Variants in LDB1 observed in about 807,000 individuals in gnomAD.
The protein encoded by LDB1 is LIM domain-binding protein 1.
Under a neutral mutation model 49.7 loss-of-function variants are expected in LDB1, and 6 were observed. The observed-to-expected ratio is 0.12, with a 90% CI of 0.07 to 0.24. LDB1 has a LOEUF of 0.24. Among genes scored for constraint, LDB1 ranks in the 10% least tolerant of loss-of-function variants. The probability of loss-of-function intolerance (pLI) is 1.00; values close to 1 mark genes in which losing one functional copy is unlikely to be tolerated. For synonymous variants in LDB1, 233 were observed against 202.0 expected (o/e 1.15, Z -1.30); for missense variants, 341 against 561.7 (o/e 0.61, Z 3.97).
At chr10:102,110,798 G>T in intron 5 of LDB1, 71 bp downstream of exon 5, 1 of 1,580,342 alleles carries the variant, frequency 6.3e-7, no homozygotes, top group South Asian at 1.1e-5. Flanking sequence ...GGCACTCCCA[G>T]ACCCACTTCT....
chr10:102,114,786 C>T (rs1414994929), intron 1 of LDB1: 2 of 968,848 alleles, frequency 2.1e-6, no homozygotes, highest in Non-Finnish European at 2.5e-6. Context: ...CCCGCCGCCG[C>T]CTCTTGCTGC....
chr10:102,113,495 C>A (rs1031356506), intron 1 of LDB1, among the ~76,000 whole-genome samples: 1 of 152,170 alleles, frequency 6.6e-6, no homozygotes, highest in African/African-American at 2.4e-5. Flanking sequence ...CAGTCCCCAC[C>A]CAGCCACCAA....
At chr10:102,118,621 A>G (rs1030009154) in intron 1 of LDB1, among the ~76,000 whole-genome samples, 2 of 152,214 alleles carry the variant, frequency 1.3e-5, no homozygotes, top group African/African-American at 4.8e-5. Context: ...GGAACTAAGA[A>G]TCACAATTTA....
chr10:102,103,760 G>C (rs2068135281), downstream of LDB1, among the ~76,000 whole-genome samples: 1 of 152,024 alleles, frequency 6.6e-6, no homozygotes. Context: ...GTTGCAGTGA[G>C]CCGAGATCAT....
At chr10:102,114,655 A>G (rs1249314821) in intron 1 of LDB1, 12 of 843,078 alleles carry the variant, frequency 1.4e-5, no homozygotes, top group Non-Finnish European at 1.7e-5. Context: ...GCCGGGGGCC[A>G]GGGGGCCGGC....
chr10:102,113,682 C>T (rs1481063564), intron 1 of LDB1, among the ~76,000 whole-genome samples: 1 of 151,868 alleles, frequency 6.6e-6, no homozygotes, highest in Non-Finnish European at 1.5e-5. Context: ...TCCTCAGTTT[C>T]CGGGCCACTT....
Position 102,109,187 on chromosome 10 carries a change from T to C in LDB1, c.857-10A>G. ...TGACGTGTGGGCTCCGCTGTGCCGG[T>C]AAACGGAGACTCAGATGGGAGAGGG... On this transcript the variant is annotated splice_polypyrimidine_tract_variant and intron_variant, in intron 9 of 10. Transcript: ENST00000673968. This position sits in a 1 kb window ranked among gnomAD's most constrained non-coding sequence, Gnocchi z 5.8. The C allele has an allele frequency of 1.2e-6, 2 of 1,613,148 alleles. No individual in the cohort carries two copies. Among genetic ancestry groups the C allele is most frequent in the Non-Finnish European group, 8.5e-7 (1 of 1,179,862 alleles).
Position 102,110,608 on chromosome 10 carries a change from G to A in LDB1, c.446C>T (p.Ala149Val), listed in dbSNP as rs2068237595. The A allele has an allele frequency of 1.2e-6, 2 of 1,613,926 alleles. No homozygotes were observed. The highest frequency in any genetic ancestry group is 1.3e-5 in the African/African-American group (1 of 74,906). The change falls in exon 6 of 11, where the codon GCA (alanine) becomes GTA (valine). Residue 149 changes from alanine to valine, a missense_variant. By Grantham distance (64) the Ala-to-Val change is moderately conservative (BLOSUM62 0). This residue lies in a region of LDB1 where 233 missense variants were observed against 385.7 expected (regional missense o/e 0.60). Transcript: ENST00000673968. ...LYYVLKHPKE[A>V]FHSNFVSLDC... is the part of the protein sequence containing the mutation. ...GAGGGACACAAAGTTGCTGTGGAATGCCTCCTTGGGGTGCTTAAGAACATA... is the reference window on the plus strand; with the variant it reads ...GAGGGACACAAAGTTGCTGTGGAATACCTCCTTGGGGTGCTTAAGAACATA...
downstream of LDB1, among the ~76,000 whole-genome samples, chr10:102,102,979 C>G (rs913902716): frequency 1.3e-5 from 2 of 152,076 alleles, no homozygotes; most frequent in African/African-American, 4.8e-5. Flanking sequence ...CCACTATGCC[C>G]AGCTTAAACC....
intron 2 of LDB1, 28 bp from the exon 3 acceptor site, chr10:102,111,328 G>A (rs765952355): frequency 7.6e-5 from 122 of 1,612,118 alleles, no homozygotes; most frequent in Non-Finnish European, 9.6e-5. Flanking sequence ...CTATGAGAAT[G>A]GGGGTTGAAG....
chr10:102,119,483 T>A (rs894644365), intron 1 of LDB1, among the ~76,000 whole-genome samples: 29 of 151,958 alleles, frequency 1.9e-4, no homozygotes, highest in Non-Finnish European at 3.8e-4. Context: ...GCCCTCCCAC[T>A]AGGGCGGAGA....
intron 1 of LDB1, among the ~76,000 whole-genome samples, chr10:102,119,091 G>C (rs901468025): frequency 1.3e-5 from 2 of 152,198 alleles, no homozygotes; most frequent in Admixed American, 1.3e-4. Context: ...TGGGTGTCCA[G>C]CTGTGAAGTA....
Position 102,117,099 on chromosome 10 carries a change from G to A in LDB1, c.25+2987C>T, listed in dbSNP as rs748010460. Among the ~76,000 whole-genome samples the A allele has an allele frequency of 6.6e-6, 1 of 152,072 alleles. No individual in the cohort carries two copies. The highest frequency in any genetic ancestry group is 1.5e-5 in the Non-Finnish European group (1 of 68,000). On this transcript the variant is annotated intron_variant, in intron 1 of 10. Coordinates refer to ENST00000673968, the MANE Select transcript of LDB1 (RefSeq NM_001113407.3). This position sits in a 1 kb window ranked among gnomAD's most constrained non-coding sequence, Gnocchi z 4.2. The stretch of plus-strand genomic sequence containing the variant: ...CATTCCTACTCCCTTCCCCCTCCAG[G>A]CCTCAAATCACTGTCCTCATGGGGA...
upstream of LDB1, chr10:102,120,436 C>G (rs2068403641): frequency 2.1e-6 from 2 of 974,934 alleles, no homozygotes; most frequent in Non-Finnish European, 1.2e-6. Flanking sequence ...TCGCCGAGCG[C>G]CCCCCTCTCC....
In LDB1 at chr10:102,110,652, C is replaced by T; in HGVS notation, c.402G>A (p.Gly134=). The change falls in exon 6 of 11, where the codon GGG becomes GGA. Residue 134 remains glycine (G), a synonymous_variant. Coordinates refer to ENST00000673968, the MANE Select transcript of LDB1 (RefSeq NM_001113407.3). ...IPRYFRSIFE[G]GATELYYVLK... ...GAACATAGTACAGCTCCGTAGCACC[C>T]CCCTCAAAGATGCTGCGGAAGTAGC... The T allele has an allele frequency of 6.2e-7, 1 of 1,613,920 alleles. No homozygotes were observed. Among genetic ancestry groups the T allele is most frequent in the Non-Finnish European group, 8.5e-7 (1 of 1,179,896 alleles).
At chr10:102,118,747 C>T (rs2068364310) in intron 1 of LDB1, among the ~76,000 whole-genome samples, 1 of 152,084 alleles carries the variant, frequency 6.6e-6, no homozygotes, top group Admixed American at 6.6e-5. Flanking sequence ...AAAGGGGTAC[C>T]CAGCATGGGT....
chr10:102,107,995 A>G lies in LDB1; in HGVS notation c.*98T>C. ...TGAAGCGGGTGGATGGAGGCTGCCC[A>G]TTTTAGATGCTCAGTCTCTTCATTC... On this transcript the variant is annotated 3_prime_UTR_variant, in exon 11 of 11. Transcript: ENST00000673968. The G allele has an allele frequency of 1.0e-6, 1 of 999,762 alleles. No individual in the cohort carries two copies. Among genetic ancestry groups the G allele is most frequent in the Non-Finnish European group, 1.5e-6 (1 of 649,802 alleles). 61.9% of individuals were successfully genotyped at this position (999,762 alleles called of 1,614,324 possible). A position where few individuals can be genotyped will look rare whatever the true frequency, so the allele number is the denominator to read the frequency against.
Position 102,120,291 on chromosome 10 carries a change from GCAGACAGGAAGGAAGC to G in LDB1, c.-197_-182del. ...CGGCGAGGGGCCTGTCAGGCGCGGAGCAGACAGGAAGGAAGCCAGGCAGGAAGGCGAGCGGCCTCTG... is the reference window on the plus strand; with the variant it reads ...CGGCGAGGGGCCTGTCAGGCGCGGAGCAGGCAGGAAGGCGAGCGGCCTCTG... On this transcript the variant is annotated 5_prime_UTR_variant, in exon 1 of 11. Coordinates refer to ENST00000673968, the MANE Select transcript of LDB1 (RefSeq NM_001113407.3). The G allele has an allele frequency of 2.0e-6, 2 of 984,448 alleles. No individual in the cohort carries two copies. Among genetic ancestry groups the G allele is most frequent in the Non-Finnish European group, 2.4e-6 (2 of 829,712 alleles). The allele number at this position is 984,448 out of a possible 1,614,324, so 61.0% of individuals were successfully genotyped here.
chr10:102,118,820 A>G (rs1427203691), intron 1 of LDB1, among the ~76,000 whole-genome samples: 2 of 152,174 alleles, frequency 1.3e-5, no homozygotes, highest in African/African-American at 2.4e-5. Flanking sequence ...AAGAGGGACG[A>G]CGGGGCCAGA....
Sources: gnomAD v4.1 joint callset for allele counts (sites outside exome capture counted in the v4.1 genomes callset) on GRCh38, gnomAD v4.1.1 for gene constraint, gnomAD v4.1.1 regional missense constraint, Gnocchi (gnomAD v3.1) non-coding constraint, MANE v1.5 for transcripts, NCBI Gene and HGNC (gene_info 2026-07-23, HGNC 2026-07-21) for gene names.